HABP2: variants seen among roughly 807,000 people sequenced by gnomAD.
HABP2 encodes the protein hyaluronan binding protein 2.
HABP2 carries 65 observed loss-of-function variants against 66.5 expected under a neutral mutation model. The observed-to-expected ratio is 0.98, with a 90% CI of 0.80 to 1.20. HABP2 has a LOEUF of 1.20. Among genes scored for constraint, HABP2 ranks in the 50% most tolerant of loss-of-function variants. The pLI is 0.00. For synonymous variants in HABP2, 263 were observed against 253.9 expected, an observed-to-expected ratio of 1.04 and a Z score of -0.34; for missense variants, 786 against 691.0, an observed-to-expected ratio of 1.14 and a Z score of -1.54.
chr10:113,587,826 G>T (rs1416624092), intron 12 of HABP2, among the ~76,000 whole-genome samples: 20 of 152,142 alleles, frequency 1.3e-4, no homozygotes, highest in East Asian at 1.9e-4. Flanking sequence ...AAACCCAGGA[G>T]ATCTAACCCC....
intron 2 of HABP2, 130 bp downstream of exon 2, chr10:113,567,655 C>T: frequency 1.4e-6 from 1 of 708,244 alleles, no homozygotes; most frequent in Non-Finnish European, 2.5e-6. Flanking sequence ...GTCACAGGCA[C>T]CTTTGAGAAC....
intron 11 of HABP2, 109 bp downstream of exon 11, chr10:113,584,391 T>C (rs993797187): frequency 2.2e-6 from 2 of 889,354 alleles, no homozygotes; most frequent in Non-Finnish European, 3.6e-6. Context: ...ATATTCAAAA[T>C]GCATCAACCA....
chr10:113,581,406 T>A (rs940411914), intron 8 of HABP2, among the ~76,000 whole-genome samples: 8 of 152,200 alleles, frequency 5.3e-5, no homozygotes, highest in African/African-American at 1.9e-4. Context: ...GTCACAGTCA[T>A]CTGTGCAAAT....
At chr10:113,565,499 G>T (rs572400413) in intron 1 of HABP2, among the ~76,000 whole-genome samples, 9 of 152,304 alleles carry the variant, frequency 5.9e-5, no homozygotes, top group African/African-American at 2.2e-4. Flanking sequence ...AGGGATGGAA[G>T]TGCCAGGCTC....
In HABP2 at chr10:113,578,637, C is replaced by T; in HGVS notation, c.579C>T (p.Asp193=). 1 of 1,612,566 alleles carries T rather than the reference C, an allele frequency of 6.2e-7. No individual in the cohort carries two copies. The highest frequency in any genetic ancestry group is 1.1e-5 in the South Asian group (1 of 90,972). ...CCTGCTCTCTCGGAGGTTCTGATGA[C>T]TGCTATGTTGGCGATGGCTACTCTT... ...KGKFCEIGSD[D]CYVGDGYSYR... The change falls in exon 7 of 13, where the codon GAC becomes GAT. Residue 193 remains aspartate (D), a synonymous_variant. Coordinates refer to ENST00000351270, the MANE Select transcript of HABP2 (RefSeq NM_004132.5).
upstream of HABP2, chr10:113,552,983 G>A (rs1196696750): frequency 6.0e-6 from 4 of 661,384 alleles, no homozygotes; most frequent in Non-Finnish European, 5.4e-6. Flanking sequence ...ACATTAAACA[G>A]TATTTGATGC....
intron 7 of HABP2, among the ~76,000 whole-genome samples, 186 bp downstream of exon 7, chr10:113,578,984 C>T (rs988225600): frequency 6.6e-6 from 1 of 151,834 alleles, no homozygotes; most frequent in Non-Finnish European, 1.5e-5. Flanking sequence ...GGGCTGGTTG[C>T]TGTGGTTCAT....
intron 2 of HABP2, among the ~76,000 whole-genome samples, chr10:113,573,889 C>T (rs1215777988): frequency 6.6e-6 from 1 of 152,156 alleles, no homozygotes; most frequent in Non-Finnish European, 1.5e-5. Flanking sequence ...TGTGATCTGA[C>T]CCCGGGCAGA....
At chr10:113,564,033 C>T (rs1247740979) in intron 1 of HABP2, among the ~76,000 whole-genome samples, 12 of 152,072 alleles carry the variant, frequency 7.9e-5, no homozygotes, top group Non-Finnish European at 1.2e-4. Context: ...AAGACATACC[C>T]AAGACTGGGT....
intron 2 of HABP2, among the ~76,000 whole-genome samples, chr10:113,573,831 T>G (rs1369945000): frequency 6.6e-6 from 1 of 152,166 alleles, no homozygotes; most frequent in African/African-American, 2.4e-5. Context: ...TGAAGTCCCA[T>G]CAAGAAATAT....
intron 1 of HABP2, among the ~76,000 whole-genome samples, chr10:113,559,084 A>G (rs1294817736): frequency 6.6e-6 from 1 of 152,124 alleles, no homozygotes; most frequent in Non-Finnish European, 1.5e-5. Context: ...CAAACTCCTG[A>G]CCTTAAGTGA....
At chr10:113,585,702 T>C in intron 11 of HABP2, 91 bp from the exon 12 acceptor site, 1 of 944,222 alleles carries the variant, frequency 1.1e-6, no homozygotes, top group Non-Finnish European at 1.7e-6. Flanking sequence ...TAAGAGTTGG[T>C]GGGCTTCTCC....
intron 1 of HABP2, among the ~76,000 whole-genome samples, chr10:113,558,573 G>A (rs190897115): frequency 3.9e-5 from 6 of 152,322 alleles, no homozygotes; most frequent in Middle Eastern, 3.4e-3. Context: ...ACTTTCTCAC[G>A]CTGTGTTTTC....
chr10:113,589,553 C>T lies in HABP2; in HGVS notation c.*1184C>T, dbSNP rs981411174. The T allele has an allele frequency of 1.5e-6, 2 of 1,325,092 alleles. No homozygotes were observed. The highest frequency in any genetic ancestry group is 2.1e-6 in the Non-Finnish European group (2 of 967,616). 82.1% of individuals were successfully genotyped at this position (1,325,092 alleles called of 1,614,324 possible). A position where few individuals can be genotyped will look rare whatever the true frequency, so the allele number is the denominator to read the frequency against. ...CGCCTTGTTTGAGCTGCGTTTCACA[C>T]TTCTTTAGAGCTAGCTGACCTTTGG... On this transcript the variant is annotated 3_prime_UTR_variant, in exon 13 of 13. Transcript: ENST00000351270.
intron 1 of HABP2, among the ~76,000 whole-genome samples, chr10:113,566,543 C>T (rs1845201539): frequency 6.6e-6 from 1 of 152,212 alleles, no homozygotes; most frequent in South Asian, 2.1e-4. Flanking sequence ...TTGGGTAATA[C>T]ATCAATGACA....
chr10:113,588,054 G>T (rs1311688600), intron 12 of HABP2, 151 bp from the exon 13 acceptor site: 1 of 570,274 alleles, frequency 1.8e-6, no homozygotes, highest in East Asian at 2.8e-5. Flanking sequence ...GTGAGATGTG[G>T]GGAGAGCCTT....
chr10:113,584,329 C>T (rs746165403), intron 11 of HABP2, 47 bp downstream of exon 11: 1 of 1,577,360 alleles, frequency 6.3e-7, no homozygotes, highest in South Asian at 1.1e-5. Flanking sequence ...ACTACATCAA[C>T]CAGAGAAGAA....
intron 1 of HABP2, among the ~76,000 whole-genome samples, chr10:113,556,433 G>C (rs936846688): frequency 3.3e-5 from 5 of 152,150 alleles, no homozygotes; most frequent in Non-Finnish European, 7.4e-5. Context: ...TGAAGTTTGA[G>C]GCCAGGCATG....
At chr10:113,567,222 A>G (rs1431199434) in intron 1 of HABP2, among the ~76,000 whole-genome samples, 1 of 152,182 alleles carries the variant, frequency 6.6e-6, no homozygotes, top group African/African-American at 2.4e-5. Flanking sequence ...GTTCCAAAGC[A>G]AGGACAGGTG....
Sources: gnomAD v4.1 joint callset for allele counts (sites outside exome capture counted in the v4.1 genomes callset) on GRCh38, gnomAD v4.1.1 for gene constraint, MANE v1.5 for transcripts, NCBI Gene and HGNC (gene_info 2026-07-23, HGNC 2026-07-21) for gene names.